Variants in DSCAM observed in about 807,000 individuals in gnomAD.
DSCAM encodes the protein cell adhesion molecule DSCAM.
In DSCAM, 47 loss-of-function variants were observed where a neutral mutation model predicts 217.7. That is an observed-to-expected ratio of 0.22 (90% CI 0.17 to 0.28). DSCAM has a LOEUF of 0.28. Ranked by LOEUF, DSCAM falls within the 10% of genes least tolerant of loss-of-function variation. DSCAM has a pLI of 1.00. For synonymous variants in DSCAM, 1,056 were observed against 1,015.3 expected, an observed-to-expected ratio of 1.04 and a Z score of -0.76; for missense variants, 2,080 against 2,618.3, an observed-to-expected ratio of 0.79 and a Z score of 4.49.
chr21:40,268,419 G>A (rs1398273203), intron 11 of DSCAM, among the ~76,000 whole-genome samples: 1 of 152,186 alleles, frequency 6.6e-6, no homozygotes, highest in East Asian at 1.9e-4. Context: ...AGATGCCAGT[G>A]TGGAAGGTAA....
At chr21:40,244,529 C>T (rs887064421) in intron 11 of DSCAM, among the ~76,000 whole-genome samples, 2 of 151,438 alleles carry the variant, frequency 1.3e-5, no homozygotes, top group Non-Finnish European at 2.9e-5. Context: ...TTCTTAAGTC[C>T]CTGTGCCTGG....
At chr21:40,090,504 G>T (rs1195686865) in intron 21 of DSCAM, among the ~76,000 whole-genome samples, 1 of 152,118 alleles carries the variant, frequency 6.6e-6, no homozygotes, top group Admixed American at 6.5e-5. Flanking sequence ...GCCACTGAGG[G>T]GCATTTTCGC....
chr21:40,189,667 TAGTG>T (rs141979145), intron 11 of DSCAM, among the ~76,000 whole-genome samples: 3,016 of 152,302 alleles, frequency 0.02, 65 homozygotes, highest in African/African-American at 0.049. Context: ...GTTCTCATGA[TAGTG>T]AGTAAGTCTT....
chr21:40,825,754 G>A (rs2091963843), intron 1 of DSCAM, among the ~76,000 whole-genome samples: 1 of 151,882 alleles, frequency 6.6e-6, no homozygotes. Context: ...ATCTTTTATG[G>A]GTGCGTGAGA....
chr21:40,369,268 C>G (rs1246327191), intron 3 of DSCAM, 23 bp from the exon 4 acceptor site: 2 of 1,599,724 alleles, frequency 1.3e-6, no homozygotes, highest in Non-Finnish European at 8.5e-7. Context: ...AAAACAGTGG[C>G]TTGGTTAAAA....
At chr21:40,438,287 C>T (rs2075601245) in intron 3 of DSCAM, among the ~76,000 whole-genome samples, 1 of 152,088 alleles carries the variant, frequency 6.6e-6, no homozygotes, top group African/African-American at 2.4e-5. Flanking sequence ...CAAAGTAAAA[C>T]AATTCTAGAA....
intron 3 of DSCAM, among the ~76,000 whole-genome samples, chr21:40,373,582 T>C (rs1356881239): frequency 2.6e-5 from 4 of 152,244 alleles, no homozygotes; most frequent in Non-Finnish European, 5.9e-5. Context: ...TTTATCCCCA[T>C]ACCTGCTTTT....
At chr21:40,219,951 A>G (rs1453093050) in intron 11 of DSCAM, among the ~76,000 whole-genome samples, 1 of 152,258 alleles carries the variant, frequency 6.6e-6, no homozygotes, top group Non-Finnish European at 1.5e-5. Context: ...CTATACTTCC[A>G]TAAAAGATAC....
At chr21:40,585,508 T>C (rs1404697992) in intron 3 of DSCAM, among the ~76,000 whole-genome samples, 1 of 152,184 alleles carries the variant, frequency 6.6e-6, no homozygotes, top group Non-Finnish European at 1.5e-5. Context: ...CAAGTCTTTT[T>C]TAAAGCACAG....
intron 3 of DSCAM, among the ~76,000 whole-genome samples, chr21:40,424,202 AT>A (rs2075450902): frequency 2.0e-5 from 3 of 152,218 alleles, no homozygotes; most frequent in Non-Finnish European, 4.4e-5. Flanking sequence ...CATGGGATAA[AT>A]TGCGTCCCCC....
chr21:40,503,244 G>T (rs2076183785), intron 3 of DSCAM, among the ~76,000 whole-genome samples: 1 of 152,218 alleles, frequency 6.6e-6, no homozygotes, highest in Non-Finnish European at 1.5e-5. Context: ...CGACCTTGGA[G>T]CTGAGGCTCC....
Position 40,085,672 on chromosome 21 carries a change from G to T in DSCAM, c.4062C>A (p.Ser1354=), listed in dbSNP as rs371675625. The change falls in exon 23 of 33, where the codon TCC becomes TCA. Residue 1354 remains serine (S), a synonymous_variant. Transcript: ENST00000400454. ...FIIRTVKAED[S]GYYSCIANNN... ...TATTGGCAATGCAGCTGTAATAGCC[G>T]GAGTCTTCTGCTTTCACCGTGCGAA... 1.3e-6 allele frequency: 2 copies of T among 1,595,046 alleles called. No homozygotes were observed. The highest frequency in any genetic ancestry group is 2.7e-5 in the African/African-American group (2 of 74,840).
At chr21:40,511,908 G>A (rs1329369061) in intron 3 of DSCAM, among the ~76,000 whole-genome samples, 3 of 149,106 alleles carry the variant, frequency 2.0e-5, no homozygotes, top group Non-Finnish European at 3.0e-5. Flanking sequence ...GGAGAATGGC[G>A]CGAATCCGGG....
chr21:40,593,460 G>T (rs2076998646), intron 3 of DSCAM, among the ~76,000 whole-genome samples: 2 of 151,940 alleles, frequency 1.3e-5, no homozygotes, highest in South Asian at 4.2e-4. Context: ...CGAGTAGCTG[G>T]GTCTACAGGC....
intron 3 of DSCAM, among the ~76,000 whole-genome samples, chr21:40,399,819 C>A (rs1298790103): frequency 6.6e-6 from 1 of 152,150 alleles, no homozygotes; most frequent in African/African-American, 2.4e-5. Flanking sequence ...CTCACACTGC[C>A]CTTAAGAGGT....
intron 1 of DSCAM, among the ~76,000 whole-genome samples, chr21:40,755,223 G>A (rs922042042): frequency 5.3e-5 from 8 of 152,060 alleles, no homozygotes; most frequent in Non-Finnish European, 7.4e-5. Flanking sequence ...AGAGGTGGGC[G>A]GATCATGAGG....
intron 16 of DSCAM, among the ~76,000 whole-genome samples, chr21:40,154,284 ACT>A (rs2090454538): frequency 7.0e-6 from 1 of 142,290 alleles, no homozygotes; most frequent in Admixed American, 7.4e-5. Context: ...ACAGGGTCTC[ACT>A]CTGTCACCCA....
At chr21:40,191,933 G>A (rs953113347) in intron 11 of DSCAM, among the ~76,000 whole-genome samples, 2 of 152,148 alleles carry the variant, frequency 1.3e-5, no homozygotes. Flanking sequence ...CCCTAATGCA[G>A]TATGATCTCT....
intron 6 of DSCAM, among the ~76,000 whole-genome samples, chr21:40,340,466 A>G (rs945223105): frequency 6.6e-6 from 1 of 152,202 alleles, no homozygotes; most frequent in Non-Finnish European, 1.5e-5. Flanking sequence ...TATGAAAATC[A>G]GAAGAAAAGT....
Sources: gnomAD v4.1 joint callset for allele counts (sites outside exome capture counted in the v4.1 genomes callset) on GRCh38, gnomAD v4.1.1 for gene constraint, MANE v1.5 for transcripts, NCBI Gene and HGNC (gene_info 2026-07-23, HGNC 2026-07-21) for gene names.